KCNK9: variants seen among roughly 807,000 people sequenced by gnomAD.
KCNK9 encodes potassium channel subfamily K member 9.
A neutral mutation model predicts 10.8 loss-of-function variants in KCNK9; 1 was observed. That is an observed-to-expected ratio of 0.09 (90% CI 0.03 to 0.44). KCNK9 has a LOEUF of 0.44. KCNK9 is among the 20% of genes least tolerant of loss of function. The probability of loss-of-function intolerance (pLI) is 0.97; values close to 1 mark genes in which losing one functional copy is unlikely to be tolerated. For missense variants in KCNK9, 303 were observed against 515.0 expected (o/e 0.59, Z 3.98); for synonymous variants, 231 against 222.7 (o/e 1.04, Z -0.33).
chr8:139,625,549 A>T (rs1008638289), intron 1 of KCNK9, among the ~76,000 whole-genome samples: 2 of 152,056 alleles, frequency 1.3e-5, no homozygotes, highest in African/African-American at 4.8e-5. Flanking sequence ...ATCCCAGCCA[A>T]TCCCTAAGCC....
intron 2 of KCNK9, among the ~76,000 whole-genome samples, chr8:139,606,142 ACCAAG>A (rs1817482162): frequency 6.6e-6 from 1 of 152,206 alleles, no homozygotes. Flanking sequence ...AATCCCGCTC[ACCAAG>A]GGAGGAAGGT....
At chr8:139,661,344 G>A (rs1018445388) in intron 1 of KCNK9, among the ~76,000 whole-genome samples, 4 of 152,202 alleles carry the variant, frequency 2.6e-5, no homozygotes, top group African/African-American at 9.6e-5. Context: ...TTTTCCAGGT[G>A]ATCAGGGCAG....
chr8:139,682,584 G>T (rs116781328), intron 1 of KCNK9, among the ~76,000 whole-genome samples: 1 of 152,344 alleles, frequency 6.6e-6, no homozygotes, highest in African/African-American at 2.4e-5. Context: ...GGACGGGGTG[G>T]AGAGAGGGAC....
intron 1 of KCNK9, among the ~76,000 whole-genome samples, chr8:139,651,055 C>T (rs1024255577): frequency 3.3e-5 from 5 of 152,114 alleles, no homozygotes; most frequent in Non-Finnish European, 7.4e-5. Context: ...CTGCTTCTTC[C>T]CAGCTGCAAG....
chr8:139,607,809 A>T (rs376806538), downstream of KCNK9, among the ~76,000 whole-genome samples: 1 of 152,224 alleles, frequency 6.6e-6, no homozygotes, highest in Non-Finnish European at 1.5e-5. Context: ...ATGTCAGTCC[A>T]GGATGTGACC....
At chr8:139,698,973 A>C (rs925448477) in intron 1 of KCNK9, among the ~76,000 whole-genome samples, 7 of 151,280 alleles carry the variant, frequency 4.6e-5, no homozygotes, top group Non-Finnish European at 8.8e-5. Flanking sequence ...CACAGCAACC[A>C]CTCCTAGCTT....
intron 2 of KCNK9, among the ~76,000 whole-genome samples, chr8:139,605,944 A>G (rs1817477528): frequency 6.6e-6 from 1 of 152,228 alleles, no homozygotes. Context: ...ACGGCATTCT[A>G]AGGCCATTTG....
downstream of KCNK9, chr8:139,611,964 C>A (rs1814439401): frequency 6.6e-6 from 1 of 152,244 alleles, no homozygotes; most frequent in African/African-American, 2.4e-5. Flanking sequence ...CTGCCCAGTG[C>A]TTGCTGCTCC....
intron 1 of KCNK9, among the ~76,000 whole-genome samples, chr8:139,653,782 T>C (rs949981478): frequency 8.5e-5 from 13 of 152,184 alleles, no homozygotes; most frequent in African/African-American, 3.1e-4. Flanking sequence ...AAAAAATCCA[T>C]CTTCCACACT....
chr8:139,644,648 C>T (rs896769623), intron 1 of KCNK9, among the ~76,000 whole-genome samples: 4 of 152,122 alleles, frequency 2.6e-5, no homozygotes, highest in Middle Eastern at 3.4e-3. Context: ...GGTGGTTTTG[C>T]AACCAGGGCC....
At position 139,703,006 on chromosome 8, in the gene KCNK9, G is replaced by A; in HGVS notation, c.-14C>T. ...CTGCCTCTTCATGGCCGCCAGCAAG[G>A]AGCCGGCGCGGGGGGCATGTCCCGC... On this transcript the variant is annotated 5_prime_UTR_variant, in exon 1 of 2. Transcript: ENST00000520439. This position sits in a 1 kb window ranked among gnomAD's most constrained non-coding sequence, Gnocchi z 6.4. 1 of 1,550,884 alleles carries A rather than the reference G, an allele frequency of 6.4e-7. No individual in the cohort carries two copies. The highest frequency in any genetic ancestry group is 1.2e-5 in the South Asian group (1 of 84,638).
chr8:139,628,311 C>T (rs1484705543), intron 1 of KCNK9, among the ~76,000 whole-genome samples: 1 of 152,258 alleles, frequency 6.6e-6, no homozygotes, highest in Admixed American at 6.5e-5. Flanking sequence ...ACAAAGGCAA[C>T]ATAGAAGCAC....
chr8:139,670,405 C>G (rs1816399632), intron 1 of KCNK9, among the ~76,000 whole-genome samples: 1 of 152,006 alleles, frequency 6.6e-6, no homozygotes, highest in Non-Finnish European at 1.5e-5. Flanking sequence ...TGCCACAAAC[C>G]CTCAATTTGT....
downstream of KCNK9, among the ~76,000 whole-genome samples, chr8:139,607,882 C>G (rs961786083): frequency 6.6e-6 from 1 of 152,164 alleles, no homozygotes; most frequent in African/African-American, 2.4e-5. Flanking sequence ...GCTCACCTGG[C>G]CTTTTCATCT....
rs1458541764 is a variant in KCNK9, at chr8:139,629,464, T to C, written c.284-10365A>G. Among the ~76,000 whole-genome samples, 3 of 152,182 alleles carry C rather than the reference T, an allele frequency of 2.0e-5. No homozygotes were observed. In the East Asian group the frequency reaches 5.8e-4, roughly 29 times the overall value. ...GCTTAACAGTCCAAACGTCCATCAG[T>C]GGATAGACGCCTAAACAAACGTGGT... On this transcript the variant is annotated intron_variant, in intron 1 of 1. Transcript: ENST00000520439.
chr8:139,656,898 T>G (rs1391124624), intron 1 of KCNK9, among the ~76,000 whole-genome samples: 3 of 152,184 alleles, frequency 2.0e-5, no homozygotes, highest in African/African-American at 7.2e-5. Context: ...GCCCAGGCCC[T>G]GCTCACCCTC....
In KCNK9 at chr8:139,628,879, G is replaced by A. The variant is rs564558833; in HGVS notation, c.284-9780C>T. Among the ~76,000 whole-genome samples the A allele has an allele frequency of 3.3e-5, 5 of 152,250 alleles. No individual in the cohort carries two copies. In the East Asian group the frequency reaches 9.7e-4, roughly 29 times the overall value. On this transcript the variant is annotated intron_variant, in intron 1 of 1. Coordinates refer to ENST00000520439, the MANE Select transcript of KCNK9 (RefSeq NM_001282534.2). ...GTGAGGCCCCCTCAGGAGAGCCCTA[G>A]GGCCCCTTCCTGAGGAAGGCCAGCC...
At chr8:139,658,687 T>A (rs885724) in intron 1 of KCNK9, among the ~76,000 whole-genome samples, 28 of 152,104 alleles carry the variant, frequency 1.8e-4, no homozygotes, top group African/African-American at 5.5e-4. Context: ...CCTCAGGGAC[T>A]AGCTCTGTGA....
intron 1 of KCNK9, among the ~76,000 whole-genome samples, chr8:139,679,414 G>A (rs1021690560): frequency 2.0e-5 from 3 of 152,226 alleles, no homozygotes; most frequent in Admixed American, 1.3e-4. Flanking sequence ...CCTGCCAGCC[G>A]GGCCTGCTGA....
Sources: allele counts gnomAD v4.1 joint callset (sites outside exome capture counted in the v4.1 genomes callset), GRCh38; gene constraint gnomAD v4.1.1; non-coding constraint Gnocchi (gnomAD v3.1); transcripts MANE v1.5; gene names NCBI Gene and HGNC (gene_info 2026-07-23, HGNC 2026-07-21).